CYLD: variants seen among roughly 807,000 people sequenced by gnomAD.
CYLD encodes the protein ubiquitin carboxyl-terminal hydrolase CYLD.
In CYLD, 26 loss-of-function variants were observed where a neutral mutation model predicts 104.5. The observed-to-expected ratio is 0.25, with a 90% CI of 0.18 to 0.35. The LOEUF (loss-of-function observed/expected upper bound fraction) is 0.35, where lower values mean the gene tolerates loss of function less well. CYLD is among the 10% of genes least tolerant of loss of function. The pLI is 1.00. For synonymous variants in CYLD, 385 were observed against 399.9 expected, an observed-to-expected ratio of 0.96 and a Z score of 0.45; for missense variants, 703 against 1,136.1, an observed-to-expected ratio of 0.62 and a Z score of 5.48.
chr16:50,742,912 C>T (rs1965840503), intron 2 of CYLD, 71 bp downstream of exon 2: 1 of 395,498 alleles, frequency 2.5e-6, no homozygotes, highest in Non-Finnish European at 4.4e-6. Flanking sequence ...GGGGCGGGGG[C>T]GAAGTCATGA....
chr16:50,784,228 T>C, intron 11 of CYLD, 101 bp from the exon 12 acceptor site: 1 of 1,288,968 alleles, frequency 7.8e-7, no homozygotes, highest in African/African-American at 1.5e-5. Context: ...TGTTATTTGT[T>C]CTCCAGACTT....
Position 50,751,760 on chromosome 16 carries a change from G to A in CYLD, c.661G>A (p.Asp221Asn), listed in dbSNP as rs1180400057. The A allele has an allele frequency of 6.2e-7, 1 of 1,613,750 alleles. No homozygotes were observed. The highest frequency in any genetic ancestry group is 2.2e-5 in the East Asian group (1 of 44,868). The change falls in exon 4 of 19, where the codon GAC becomes AAC. Residue 221 changes from aspartate (D) to asparagine (N), a missense_variant. Coordinates refer to ENST00000427738, the MANE Select transcript of CYLD (RefSeq NM_001378743.1). ...ALESDYAGPG[D>N]TMQVELPPLE... ...GGAAAGTGATTACGCAGGTCCTGGG[G>A]ACACAATGCAGGTCGAACTTCCTCC...
intron 9 of CYLD, 97 bp downstream of exon 9, chr16:50,780,141 G>T: frequency 7.0e-7 from 1 of 1,438,332 alleles, no homozygotes; most frequent in South Asian, 1.2e-5. Context: ...TGTTATATTT[G>T]TCAGAAAAGC....
At chr16:50,791,467 C>T (rs1454536216) in intron 14 of CYLD, 91 bp from the exon 15 acceptor site, 1 of 1,399,182 alleles carries the variant, frequency 7.1e-7, no homozygotes, top group Non-Finnish European at 1.0e-6. Flanking sequence ...TATGGTTTTT[C>T]TGTTCTCAAA....
At position 50,781,231 on chromosome 16, in the gene CYLD, G is replaced by A. The variant is rs1249300759; in HGVS notation, c.1519-15G>A. 4.3e-6 allele frequency: 7 copies of A among 1,613,724 alleles called. No individual in the cohort carries two copies. Among genetic ancestry groups the A allele is most frequent in the Admixed American group, 3.3e-5 (2 of 60,006 alleles). On this transcript the variant is annotated splice_polypyrimidine_tract_variant and intron_variant, in intron 9 of 18. Coordinates refer to ENST00000427738, the MANE Select transcript of CYLD (RefSeq NM_001378743.1). ...AAGGCACGGTATAATGCATATTGAA[G>A]CATTTCTTTTTCAGGAAGATGAGTG...
At chr16:50,751,206 G>A (rs1966587316) in intron 3 of CYLD, among the ~76,000 whole-genome samples, 1 of 152,212 alleles carries the variant, frequency 6.6e-6, no homozygotes, top group Non-Finnish European at 1.5e-5. Context: ...AATAGTACAT[G>A]ACTTGTAGTG....
At chr16:50,785,055 G>A (rs1256723041) in intron 12 of CYLD, 1 of 153,706 alleles carries the variant, frequency 6.5e-6, no homozygotes, top group African/African-American at 2.4e-5. Flanking sequence ...GAAGCAATTT[G>A]TAATGGTACA....
rs753265479 is a variant in CYLD at position 50,750,080 on chromosome 16, G to A, written c.382G>A (p.Gly128Ser). Residue 128 changes from glycine to serine, a missense_variant, in exon 3 of 19, where the codon GGC becomes AGC. By Grantham distance (56) the Gly-to-Ser change is moderately conservative. Coordinates refer to ENST00000427738, the MANE Select transcript of CYLD (RefSeq NM_001378743.1). ...RLSKGLQIDVGCPVKVQLRSG... is the reference protein window; with the variant it reads ...RLSKGLQIDVSCPVKVQLRSG... Reference sequence around the variant, plus strand: ...AAGTAAAGGCCTCCAAATAGACGTGGGCTGTCCTGTGAAAGTACAGCTGAG... The same window carrying A: ...AAGTAAAGGCCTCCAAATAGACGTGAGCTGTCCTGTGAAAGTACAGCTGAG... 4.3e-6 allele frequency: 7 copies of A among 1,614,114 alleles called. No individual in the cohort carries two copies. The Admixed American group carries it at 5.0e-5, about 12-fold the overall frequency.
intron 1 of CYLD, 76 bp from the exon 2 acceptor site, chr16:50,742,686 G>A (rs967136970): frequency 7.5e-6 from 3 of 397,622 alleles, no homozygotes; most frequent in East Asian, 3.6e-5. Flanking sequence ...GATTTTGCGG[G>A]TGTTGGTGGC....
chr16:50,777,893 G>T lies in CYLD; in HGVS notation c.1090G>T (p.Asp364Tyr). The T allele has an allele frequency of 6.2e-7, 1 of 1,608,636 alleles. No homozygotes were observed. Among genetic ancestry groups the T allele is most frequent in the South Asian group, 1.1e-5 (1 of 90,934 alleles). The part of the protein sequence containing the change: ...LFYTLNGSSV[D>Y]SQPQSKSKNT... ...TTATACCTTAAATGGGTCTTCTGTT[G>T]ACTCACAACCACAATCCAAATCAAA... Residue 364 changes from aspartate (D) to tyrosine (Y), a missense_variant, in exon 8 of 19, where the codon GAC becomes TAC. Physicochemically the swap from Asp to Tyr is radical, Grantham distance 160. Coordinates refer to ENST00000427738, the MANE Select transcript of CYLD (RefSeq NM_001378743.1).
At chr16:50,768,907 G>T (rs1377530896) in intron 5 of CYLD, among the ~76,000 whole-genome samples, 9 of 152,052 alleles carry the variant, frequency 5.9e-5, no homozygotes, top group African/African-American at 2.2e-4. Context: ...ACAACCACTG[G>T]TCTTCTTTAC....
At chr16:50,764,495 A>G (rs935394927) in intron 5 of CYLD, among the ~76,000 whole-genome samples, 21 of 152,034 alleles carry the variant, frequency 1.4e-4, no homozygotes, top group African/African-American at 4.8e-4. Flanking sequence ...TTGTGTTCCT[A>G]TTTTCATCCA....
At chr16:50,778,123 A>G (rs181993944) in intron 8 of CYLD, 182 bp downstream of exon 8, 180 of 545,440 alleles carry the variant, frequency 3.3e-4, no homozygotes, top group Middle Eastern at 1.5e-3. Flanking sequence ...GATTATTAAA[A>G]TGTTTAAGAA....
intron 5 of CYLD, among the ~76,000 whole-genome samples, chr16:50,765,311 A>G (rs1313910362): frequency 6.6e-6 from 1 of 152,142 alleles, no homozygotes; most frequent in Non-Finnish European, 1.5e-5. Context: ...ATCTGTAATC[A>G]ATGATCTTTG....
intron 10 of CYLD, among the ~76,000 whole-genome samples, chr16:50,782,059 CAT>C (rs935253823): frequency 2.6e-5 from 4 of 152,274 alleles, no homozygotes; most frequent in African/African-American, 9.6e-5. Flanking sequence ...ATTTGGGAAA[CAT>C]ATTTTACTTG....
chr16:50,791,472 C>A (rs777423388), intron 14 of CYLD, 86 bp from the exon 15 acceptor site: 48 of 1,463,432 alleles, frequency 3.3e-5, no homozygotes, highest in Middle Eastern at 2.1e-4. Flanking sequence ...TTTTTCTGTT[C>A]TCAAATACTG....
At chr16:50,783,492 A>T (rs998367999) in intron 11 of CYLD, among the ~76,000 whole-genome samples, 1 of 152,286 alleles carries the variant, frequency 6.6e-6, no homozygotes, top group South Asian at 2.1e-4. Flanking sequence ...ATAAAAATCT[A>T]TATTAGCTAA....
At chr16:50,755,464 C>T (rs1401909228) in intron 5 of CYLD, among the ~76,000 whole-genome samples, 3 of 152,198 alleles carry the variant, frequency 2.0e-5, no homozygotes, top group African/African-American at 7.2e-5. Flanking sequence ...CTGTTTTCCA[C>T]AGTGGTTGTA....
chr16:50,775,179 G>C lies in CYLD; in HGVS notation c.922+5G>C. 6.3e-7 allele frequency: 1 copy of C among 1,596,672 alleles called. No individual in the cohort carries two copies. Among genetic ancestry groups the C allele is most frequent in the Admixed American group, 1.7e-5 (1 of 59,854 alleles). On this transcript the variant is annotated splice_donor_5th_base_variant and intron_variant, in intron 6 of 18. Coordinates refer to ENST00000427738, the MANE Select transcript of CYLD (RefSeq NM_001378743.1). ...GCTGACACACAGCTTTATCAGGTAT[G>C]ACTCCTAAGTGTCGTGTTGGACTCC... is the stretch of plus-strand genomic sequence containing the variant.
Sources: allele counts gnomAD v4.1 joint callset (sites outside exome capture counted in the v4.1 genomes callset), GRCh38; gene constraint gnomAD v4.1.1; transcripts MANE v1.5; gene names NCBI Gene and HGNC (gene_info 2026-07-23, HGNC 2026-07-21).